The following RBM25 variants were observed in gnomAD, a reference collection of about 807,000 sequenced individuals.
RBM25 encodes the protein RNA-binding protein 25.
A neutral mutation model predicts 120.7 loss-of-function variants in RBM25; 19 were observed. That is an observed-to-expected ratio of 0.16 (90% CI 0.11 to 0.23). The LOEUF is 0.23. Ranked by LOEUF, RBM25 falls within the 10% of genes least tolerant of loss-of-function variation. RBM25 has a pLI of 1.00. For missense variants in RBM25, 605 were observed against 1,041.5 expected (o/e 0.58, Z 5.77); for synonymous variants, 390 against 326.7 (o/e 1.19, Z -2.09).
At chr14:73,074,377 G>A (rs1032525595) in intron 2 of RBM25, among the ~76,000 whole-genome samples, 4 of 152,058 alleles carry the variant, frequency 2.6e-5, no homozygotes, top group Non-Finnish European at 5.9e-5. Flanking sequence ...GTGCCACCAT[G>A]ACTGACTCAG....
At position 73,120,807 on chromosome 14, in the gene RBM25, CAGTG is replaced by C. The variant is rs987336971; in HGVS notation, c.*1005_*1008del. On this transcript the variant is annotated 3_prime_UTR_variant, in exon 19 of 19. Transcript: ENST00000261973. The stretch of plus-strand genomic sequence containing the variant: ...AAATAAAATTAGGCAAATTGACAGA[CAGTG>C]AGAGTTTTACAAACATGATAGGTAT... 3.9e-5 allele frequency: 6 copies of C among 152,140 alleles called. No homozygotes were observed. Among genetic ancestry groups the C allele is most frequent in the Non-Finnish European group, 5.9e-5 (4 of 68,014 alleles). 9.4% of individuals were successfully genotyped at this position (152,140 alleles called of 1,614,324 possible).
chr14:73,097,156 T>C, intron 7 of RBM25, 56 bp downstream of exon 7: 1 of 1,177,836 alleles, frequency 8.5e-7, no homozygotes, highest in Non-Finnish European at 1.1e-6. Flanking sequence ...ATGATATCAC[T>C]CTTATACTTT....
chr14:73,106,055 C>A lies in RBM25; in HGVS notation c.1351C>A (p.Arg451=), dbSNP rs1323273746. The A allele has an allele frequency of 6.2e-7, 1 of 1,608,546 alleles. No homozygotes were observed. The highest frequency in any genetic ancestry group is 1.4e-5 in the African/African-American group (1 of 73,912). The change falls in exon 11 of 19, where the codon CGA becomes AGA. Residue 451 remains arginine, a synonymous_variant. Coordinates refer to ENST00000261973, the MANE Select transcript of RBM25 (RefSeq NM_021239.3). ...YERRKLERKL[R]EKEAAYQERL... ...ACGAAGAAAACTTGAAAGAAAACTCCGAGAGAAAGAAGCTGCTTATCAAGA... is the reference window on the plus strand; with the variant it reads ...ACGAAGAAAACTTGAAAGAAAACTCAGAGAGAAAGAAGCTGCTTATCAAGA...
intron 16 of RBM25, 138 bp from the exon 17 acceptor site, chr14:73,112,014 T>C (rs1023200400): frequency 9.7e-7 from 1 of 1,026,106 alleles, no homozygotes; most frequent in Non-Finnish European, 1.4e-6. Context: ...AGCAGATGAT[T>C]GTATCTTGAT....
At chr14:73,099,239 C>T in intron 7 of RBM25, 141 bp from the exon 8 acceptor site, 1 of 718,108 alleles carries the variant, frequency 1.4e-6, no homozygotes, top group Non-Finnish European at 2.2e-6. Context: ...CACTTCTATT[C>T]CCAAGTAATT....
intron 2 of RBM25, 91 bp from the exon 3 acceptor site, chr14:73,076,228 T>G (rs1339946265): frequency 1.9e-6 from 2 of 1,031,258 alleles, no homozygotes; most frequent in Non-Finnish European, 1.5e-6. Context: ...TTTCCACTTA[T>G]GTTAATTATG....
chr14:73,069,031 G>A (rs1895212085), intron 1 of RBM25, among the ~76,000 whole-genome samples: 2 of 151,912 alleles, frequency 1.3e-5, no homozygotes, highest in South Asian at 4.2e-4. Context: ...AGCCTCCCGA[G>A]TAGCTGGGAT....
chr14:73,105,126 C>CTTTTTTT lies in RBM25; in HGVS notation c.1155-721_1155-715dup, dbSNP rs34862161. Among the ~76,000 whole-genome samples the CTTTTTTT allele has an allele frequency of 1.2e-3, 126 of 109,520 alleles. 3 individuals are homozygous for CTTTTTTT. Among genetic ancestry groups the CTTTTTTT allele is most frequent in the African/African-American group, 2.9e-3 (77 of 26,670 alleles). 71.8% of individuals were successfully genotyped at this position (109,520 alleles called of 152,430 possible). A position where few individuals can be genotyped will look rare whatever the true frequency, so the allele number is the denominator to read the frequency against. On this transcript the variant is annotated intron_variant, in intron 10 of 18. Transcript: ENST00000261973. ...TGTAATCTGCAGTTTGGTTTTATTACTTTTTTTTTTTTTTTTTTGGAGACG... is the reference window on the plus strand; with the variant it reads ...TGTAATCTGCAGTTTGGTTTTATTACTTTTTTTTTTTTTTTTTTTTTTTTTGGAGACG...
chr14:73,066,860 G>A lies in RBM25; in HGVS notation c.-15-4767G>A, dbSNP rs539723663. ...AGAAATGTCTAGTAAACAGGTAAAC[G>A]CATACTCAACCTCATTAGTCATGAG... On this transcript the variant is annotated intron_variant, in intron 1 of 18. Transcript: ENST00000261973. 5.9e-5 allele frequency among the ~76,000 whole-genome samples: 9 copies of A among 152,088 alleles called. 1 individual carries two copies. In the South Asian group the frequency reaches 1.9e-3, roughly 32 times the overall value.
In RBM25 at chr14:73,119,817, T is replaced by C; in HGVS notation, c.*12T>C. 3 of 1,595,676 alleles carry C rather than the reference T, an allele frequency of 1.9e-6. No individual in the cohort carries two copies. The South Asian group carries it at 3.5e-5, about 18-fold the overall frequency. On this transcript the variant is annotated 3_prime_UTR_variant, in exon 19 of 19. Coordinates refer to ENST00000261973, the MANE Select transcript of RBM25 (RefSeq NM_021239.3). Reference sequence around the variant, plus strand: ...GTCTTGTGAAGTAAAACTTTTTATATTTAGAGTTCCATTTCAGATTTCTTC... The same window carrying C: ...GTCTTGTGAAGTAAAACTTTTTATACTTAGAGTTCCATTTCAGATTTCTTC...
At chr14:73,091,970 T>C (rs1328633699) in intron 6 of RBM25, among the ~76,000 whole-genome samples, 1 of 152,144 alleles carries the variant, frequency 6.6e-6, no homozygotes, top group Non-Finnish European at 1.5e-5. Context: ...GTTATATGAT[T>C]TATTGTTCCA....
At chr14:73,107,016 T>C (rs1896204860) in intron 12 of RBM25, among the ~76,000 whole-genome samples, 1 of 152,094 alleles carries the variant, frequency 6.6e-6, no homozygotes, top group African/African-American at 2.4e-5. Flanking sequence ...ATATTTTGTA[T>C]TTTTAGTAGA....
Position 73,085,316 on chromosome 14 carries a change from C to CAAGATGTAGTT in RBM25, c.382+1765_382+1766insAAGATGTAGTT, listed in dbSNP as rs1366247189. ...ACAGACGTGAGCCACCGCGCCCGGCCTCATCAGTAGTCTGTTTTGAAGAAT... is the reference window on the plus strand; with the variant it reads ...ACAGACGTGAGCCACCGCGCCCGGCCAAGATGTAGTTTCATCAGTAGTCTGTTTTGAAGAAT... On this transcript the variant is annotated intron_variant, in intron 5 of 18. Transcript: ENST00000261973. Among the ~76,000 whole-genome samples, 371 of 148,038 alleles carry CAAGATGTAGTT rather than the reference C, an allele frequency of 2.5e-3. 2 individuals carry two copies. The highest frequency in any genetic ancestry group is 0.011 in the Middle Eastern group (3 of 270).
rs980917915 is a variant in RBM25 at position 73,084,849 on chromosome 14, C to A, written c.382+1298C>A. On this transcript the variant is annotated intron_variant, in intron 5 of 18. Coordinates refer to ENST00000261973, the MANE Select transcript of RBM25 (RefSeq NM_021239.3). ...ATAGGCACGAGCCACTGCTCCTGGC[C>A]GCTATTTTTTTTTTTAATGTTTTTA... Among the ~76,000 whole-genome samples, 3 of 150,334 alleles carry A rather than the reference C, an allele frequency of 2.0e-5. No homozygotes were observed. In the Admixed American group the frequency reaches 2.0e-4, roughly 10 times the overall value.
intron 14 of RBM25, among the ~76,000 whole-genome samples, chr14:73,110,357 A>G (rs1207137998): frequency 6.6e-6 from 1 of 151,416 alleles, no homozygotes; most frequent in Non-Finnish European, 1.5e-5. Context: ...TGAATACTTT[A>G]TGCTTTTTTG....
intron 6 of RBM25, among the ~76,000 whole-genome samples, chr14:73,091,945 A>T (rs773552843): frequency 6.6e-6 from 1 of 152,150 alleles, no homozygotes; most frequent in Non-Finnish European, 1.5e-5. Flanking sequence ...AAATTAAAAC[A>T]ATTGACAGAT....
chr14:73,097,624 T>G (rs907112046), intron 7 of RBM25, among the ~76,000 whole-genome samples: 11 of 152,180 alleles, frequency 7.2e-5, no homozygotes, highest in Non-Finnish European at 1.0e-4. Context: ...CATGAGCCAC[T>G]GCGCCCGGCC....
intron 1 of RBM25, among the ~76,000 whole-genome samples, chr14:73,060,283 C>T (rs1326732674): frequency 2.6e-5 from 4 of 151,420 alleles, no homozygotes; most frequent in African/African-American, 9.7e-5. Flanking sequence ...GTGATCCGCC[C>T]GCCTAGGCCC....
At position 73,114,386 on chromosome 14, in the gene RBM25, G is replaced by GT. The variant is rs988243717; in HGVS notation, c.2439+61dup. On this transcript the variant is annotated intron_variant, in intron 18 of 18. Coordinates refer to ENST00000261973, the MANE Select transcript of RBM25 (RefSeq NM_021239.3). ...TCTTTTAATTTAAAAAAAGTTTTTG[G>GT]TTTTTTTTGTCTTAAAATATAGATG... 353 of 1,363,908 alleles carry GT rather than the reference G, an allele frequency of 2.6e-4. 1 individual carries two copies. The Admixed American group carries it at 2.7e-3, about 11-fold the overall frequency. 84.5% of individuals were successfully genotyped at this position (1,363,908 alleles called of 1,614,324 possible). A position where few individuals can be genotyped will look rare whatever the true frequency, so the allele number is the denominator to read the frequency against.
Sources: gnomAD v4.1 joint callset for allele counts (sites outside exome capture counted in the v4.1 genomes callset) on GRCh38, gnomAD v4.1.1 for gene constraint, MANE v1.5 for transcripts, NCBI Gene and HGNC (gene_info 2026-07-23, HGNC 2026-07-21) for gene names.